The following ADGRL2 variants were observed in gnomAD, a reference collection of about 807,000 sequenced individuals.
The protein encoded by ADGRL2 is calcium-independent alpha-latrotoxin receptor 2.
A neutral mutation model predicts 157.4 loss-of-function variants in ADGRL2; 44 were observed. That is an observed-to-expected ratio of 0.28 (90% confidence interval 0.22 to 0.36). The LOEUF (loss-of-function observed/expected upper bound fraction) is 0.36, where lower values mean the gene tolerates loss of function less well. ADGRL2 is among the 10% of genes least tolerant of loss of function. The probability of loss-of-function intolerance (pLI) is 1.00; values close to 1 mark genes in which losing one functional copy is unlikely to be tolerated. For missense variants in ADGRL2, 1,510 were observed against 1,768.9 expected (o/e 0.85, Z 2.63); for synonymous variants, 585 against 624.7 (o/e 0.94, Z 0.95).
intron 1 of ADGRL2, chr1:81,426,824 C>A: frequency 1.9e-6 from 1 of 526,802 alleles, no homozygotes; most frequent in East Asian, 4.5e-5. Context: ...GCCCATCTAC[C>A]AGTGAAGAAA....
intron 2 of ADGRL2, among the ~76,000 whole-genome samples, chr1:81,889,301 G>A (rs2094204843): frequency 6.6e-6 from 1 of 152,224 alleles, no homozygotes; most frequent in African/African-American, 2.4e-5. Flanking sequence ...AGTTCTTGAA[G>A]TAAATTAAAA....
chr1:81,594,045 AC>A (rs1479524747), intron 3 of ADGRL2, among the ~76,000 whole-genome samples: 6 of 152,218 alleles, frequency 3.9e-5, no homozygotes, highest in African/African-American at 1.4e-4. Flanking sequence ...ATGTTTATAT[AC>A]ACTGGCTCAG....
At position 81,992,717 on chromosome 1, in the gene ADGRL2, T is replaced by TATC. The variant is rs1664775162; in HGVS notation, c.*1575_*1577dup. 6.6e-6 allele frequency among the ~76,000 whole-genome samples: 1 copy of TATC among 152,062 alleles called. No individual in the cohort carries two copies. On this transcript the variant is annotated 3_prime_UTR_variant, in exon 24 of 24. Coordinates refer to ENST00000686636, the MANE Select transcript of ADGRL2 (RefSeq NM_001366006.2). The stretch of plus-strand genomic sequence containing the variant: ...TGGAAGTTCTGCCATCAAATTTGGG[T>TATC]ATCATAAAAAGTTTTTAACTGATTT...
intron 2 of ADGRL2, among the ~76,000 whole-genome samples, chr1:81,510,837 C>G (rs540157822): frequency 6.6e-6 from 1 of 152,100 alleles, no homozygotes; most frequent in Non-Finnish European, 1.5e-5. Flanking sequence ...CTTTTTCAGG[C>G]TCCTTCTACG....
chr1:81,369,288 C>A (rs1376527259), intron 1 of ADGRL2, among the ~76,000 whole-genome samples: 2 of 152,096 alleles, frequency 1.3e-5, no homozygotes, highest in Non-Finnish European at 2.9e-5. Context: ...TAGAACCCAG[C>A]AGTTGGGAGG....
At chr1:81,961,335 G>A (rs533070607) in intron 11 of ADGRL2, among the ~76,000 whole-genome samples, 64 of 152,038 alleles carry the variant, frequency 4.2e-4, no homozygotes, top group African/African-American at 1.4e-3. Context: ...AGATAATGTC[G>A]AAGTTCCCAG....
chr1:81,356,952 C>CAAAAAAAAAAAAAAAAAAAA (rs757239865), intron 1 of ADGRL2, among the ~76,000 whole-genome samples: 83 of 55,638 alleles, frequency 1.5e-3, no homozygotes, highest in African/African-American at 4.5e-3. Flanking sequence ...GACTCCGTCT[C>CAAAAAAAAAAAAAAAAAAAA]AAAAAAAAAA....
At chr1:81,321,007 T>C (rs1381078329) in intron 1 of ADGRL2, among the ~76,000 whole-genome samples, 1 of 152,216 alleles carries the variant, frequency 6.6e-6, no homozygotes, top group African/African-American at 2.4e-5. Flanking sequence ...ATTGAATATC[T>C]TTTTAGCATA....
chr1:81,748,410 A>T lies in ADGRL2; in HGVS notation c.-142-13401A>T, dbSNP rs932514259. Among the ~76,000 whole-genome samples the T allele has an allele frequency of 3.6e-5, 5 of 140,160 alleles. No individual in the cohort carries two copies. In the East Asian group the frequency reaches 1.2e-3, roughly 35 times the overall value. The allele number at this position is 140,160 out of a possible 152,430, so 92.0% of individuals were successfully genotyped here. A position where few individuals can be genotyped will look rare whatever the true frequency, so the allele number is the denominator to read the frequency against. On this transcript the variant is annotated intron_variant, in intron 1 of 20. Transcript: ENST00000359929. The stretch of plus-strand genomic sequence containing the variant: ...CTTGAACCCTGGTGGCAGAGGTTGC[A>T]GTGAGCTGAGATCGCGCCACCGCAC...
chr1:81,408,843 C>T (rs889146054), intron 1 of ADGRL2, among the ~76,000 whole-genome samples: 1 of 152,128 alleles, frequency 6.6e-6, no homozygotes, highest in Non-Finnish European at 1.5e-5. Context: ...TGCTCTTAAG[C>T]GTTCATTAGT....
At chr1:81,761,471 A>G (rs569803382) in intron 1 of ADGRL2, among the ~76,000 whole-genome samples, 1 of 152,108 alleles carries the variant, frequency 6.6e-6, no homozygotes, top group Non-Finnish European at 1.5e-5. Context: ...GTTTTAGGTA[A>G]ACCTGTCTCA....
chr1:81,722,721 G>T, intron 1 of ADGRL2: 4 of 945,342 alleles, frequency 4.2e-6, no homozygotes, highest in Non-Finnish European at 6.8e-6. Context: ...CGTGAAGAGC[G>T]AGAGATCAAA....
intron 1 of ADGRL2, among the ~76,000 whole-genome samples, chr1:81,424,612 A>G (rs1367634566): frequency 6.6e-6 from 1 of 152,210 alleles, no homozygotes; most frequent in Non-Finnish European, 1.5e-5. Context: ...TTTTTATTTC[A>G]AATATCAATG....
At chr1:81,407,719 C>A (rs977047687) in intron 1 of ADGRL2, among the ~76,000 whole-genome samples, 1 of 152,088 alleles carries the variant, frequency 6.6e-6, no homozygotes, top group African/African-American at 2.4e-5. Context: ...AGCCAAGAAA[C>A]ATAATCTGGC....
chr1:81,973,912 TATG>T (rs989430549), intron 17 of ADGRL2, among the ~76,000 whole-genome samples: 7 of 150,886 alleles, frequency 4.6e-5, no homozygotes, highest in African/African-American at 1.7e-4. Flanking sequence ...TGAGATATGA[TATG>T]ATGATACAGT....
intron 2 of ADGRL2, among the ~76,000 whole-genome samples, chr1:81,547,419 C>T (rs1282709291): frequency 2.6e-5 from 4 of 152,154 alleles, no homozygotes; most frequent in Non-Finnish European, 5.9e-5. Flanking sequence ...ACCCCCACCA[C>T]CAGGAATTGG....
intron 2 of ADGRL2, among the ~76,000 whole-genome samples, chr1:81,786,314 A>G (rs1444944415): frequency 6.6e-6 from 1 of 152,240 alleles, no homozygotes; most frequent in Non-Finnish European, 1.5e-5. Flanking sequence ...ACAATGGCTC[A>G]CGCCAATAAT....
intron 1 of ADGRL2, among the ~76,000 whole-genome samples, chr1:81,344,531 C>A (rs1360542644): frequency 6.6e-6 from 1 of 151,624 alleles, no homozygotes; most frequent in Non-Finnish European, 1.5e-5. Flanking sequence ...ACAAAATTAG[C>A]TGGGCATGCC....
At chr1:81,676,171 G>T (rs1001323080) in intron 3 of ADGRL2, among the ~76,000 whole-genome samples, 1 of 151,916 alleles carries the variant, frequency 6.6e-6, no homozygotes, top group Non-Finnish European at 1.5e-5. Context: ...CACCATGCCT[G>T]GCTAATTTTT....
Sources: allele counts gnomAD v4.1 joint callset (sites outside exome capture counted in the v4.1 genomes callset), GRCh38; gene constraint gnomAD v4.1.1; transcripts MANE v1.5; gene names NCBI Gene and HGNC (gene_info 2026-07-23, HGNC 2026-07-21).